RBFOX1: variants seen among roughly 807,000 people sequenced by gnomAD.
The protein encoded by RBFOX1 is RNA binding fox-1 homolog 1.
RBFOX1 carries 8 observed loss-of-function variants against 57.7 expected under a neutral mutation model. The ratio of observed to expected loss-of-function variants is 0.14; its 90% CI spans 0.08 to 0.25. RBFOX1 has a LOEUF of 0.25. Ranked by LOEUF, RBFOX1 falls within the 10% of genes least tolerant of loss-of-function variation. The probability of loss-of-function intolerance (pLI) is 1.00; values close to 1 mark genes in which losing one functional copy is unlikely to be tolerated. For synonymous variants in RBFOX1, 326 were observed against 222.4 expected, an observed-to-expected ratio of 1.47 and a Z score of -4.15; for missense variants, 611 against 548.5, an observed-to-expected ratio of 1.11 and a Z score of -1.14.
chr16:7,101,240 G>A (rs554002732), intron 4 of RBFOX1, among the ~76,000 whole-genome samples: 2 of 152,268 alleles, frequency 1.3e-5, no homozygotes, highest in South Asian at 4.2e-4. Flanking sequence ...GCACCAGCGT[G>A]GCATAGAGAG....
chr16:7,023,383 C>G (rs2039881890), intron 3 of RBFOX1, among the ~76,000 whole-genome samples: 1 of 150,956 alleles, frequency 6.6e-6, no homozygotes, highest in Admixed American at 6.6e-5. Context: ...TTGCTTGAAC[C>G]CAGGAGGCAG....
chr16:6,985,053 G>T (rs985963292), intron 3 of RBFOX1, among the ~76,000 whole-genome samples: 4 of 138,482 alleles, frequency 2.9e-5, no homozygotes, highest in African/African-American at 1.1e-4. Flanking sequence ...CAATGAGTTA[G>T]TTCCTCTGGA....
At chr16:7,217,129 C>T (rs974975945) in intron 4 of RBFOX1, among the ~76,000 whole-genome samples, 2 of 148,224 alleles carry the variant, frequency 1.3e-5, no homozygotes, top group African/African-American at 2.5e-5. Context: ...TTCTTTTTGA[C>T]AGTCTTGCTC....
At chr16:6,024,713 T>C (rs1211892356) in intron 1 of RBFOX1, among the ~76,000 whole-genome samples, 4 of 152,112 alleles carry the variant, frequency 2.6e-5, no homozygotes, top group African/African-American at 9.7e-5. Flanking sequence ...ACGCCTGACC[T>C]CAAGTGATCC....
intron 2 of RBFOX1, 83 bp downstream of exon 2, chr16:6,317,140 C>A: frequency 1.5e-6 from 2 of 1,333,788 alleles, no homozygotes; most frequent in Middle Eastern, 1.8e-4. Context: ...CTCTTTTCTG[C>A]AGGTTTGAAG....
intron 4 of RBFOX1, among the ~76,000 whole-genome samples, chr16:7,244,109 C>G (rs2094187076): frequency 6.6e-6 from 1 of 152,020 alleles, no homozygotes; most frequent in South Asian, 2.1e-4. Flanking sequence ...TTAGGTCAGT[C>G]TACAGCTCAA....
intron 4 of RBFOX1, among the ~76,000 whole-genome samples, chr16:7,405,677 T>G (rs12597457): frequency 6.6e-6 from 1 of 152,040 alleles, no homozygotes; most frequent in Non-Finnish European, 1.5e-5. Flanking sequence ...AGGCTGCAAC[T>G]CAGGTCCCAG....
At chr16:7,280,033 G>T (rs1235498230) in intron 4 of RBFOX1, among the ~76,000 whole-genome samples, 2 of 152,220 alleles carry the variant, frequency 1.3e-5, no homozygotes, top group African/African-American at 4.8e-5. Context: ...CTCTGAAGGT[G>T]TTTGGTTCCC....
intron 4 of RBFOX1, among the ~76,000 whole-genome samples, chr16:7,380,645 C>T (rs759775602): frequency 2.6e-5 from 4 of 152,214 alleles, no homozygotes; most frequent in Admixed American, 2.0e-4. Context: ...CAGCTCACAC[C>T]GCTGATCATC....
intron 14 of RBFOX1, among the ~76,000 whole-genome samples, chr16:7,686,047 A>G (rs2075993149): frequency 6.6e-6 from 1 of 152,008 alleles, no homozygotes; most frequent in African/African-American, 2.4e-5. Context: ...ATGGATGACC[A>G]TTGCTTCTTT....
At chr16:5,567,342 C>T (rs1241309713) in intron 2 of RBFOX1, among the ~76,000 whole-genome samples, 2 of 152,186 alleles carry the variant, frequency 1.3e-5, no homozygotes. Flanking sequence ...ATATTAGTTA[C>T]TAGCTAACGT....
At chr16:5,876,141 C>G (rs1364805690) in intron 4 of RBFOX1, among the ~76,000 whole-genome samples, 1 of 152,094 alleles carries the variant, frequency 6.6e-6, no homozygotes, top group African/African-American at 2.4e-5. Flanking sequence ...CCGCGCCCGG[C>G]CTATCCCACA....
At chr16:6,288,384 G>C (rs1472226029) in intron 1 of RBFOX1, among the ~76,000 whole-genome samples, 1 of 152,176 alleles carries the variant, frequency 6.6e-6, no homozygotes, top group African/African-American at 2.4e-5. Flanking sequence ...TAGAGCCTGA[G>C]ATTCTGCTTT....
At chr16:6,239,260 A>G (rs2097526909) in intron 1 of RBFOX1, among the ~76,000 whole-genome samples, 1 of 151,984 alleles carries the variant, frequency 6.6e-6, no homozygotes, top group African/African-American at 2.4e-5. Flanking sequence ...CTTATCTTTA[A>G]TCTCCCCTCG....
intron 3 of RBFOX1, among the ~76,000 whole-genome samples, chr16:6,817,019 A>G (rs2090230268): frequency 6.6e-6 from 1 of 152,092 alleles, no homozygotes; most frequent in Non-Finnish European, 1.5e-5. Flanking sequence ...AAGTGCTGAG[A>G]TGGCAGGTGC....
At chr16:6,634,372 G>C (rs984243228) in intron 2 of RBFOX1, among the ~76,000 whole-genome samples, 1 of 151,844 alleles carries the variant, frequency 6.6e-6, no homozygotes, top group African/African-American at 2.4e-5. Flanking sequence ...CTGTGACCTT[G>C]GGCAAAAAAC....
chr16:7,107,703 G>C (rs2063859747), intron 4 of RBFOX1, among the ~76,000 whole-genome samples: 1 of 152,044 alleles, frequency 6.6e-6, no homozygotes, highest in Non-Finnish European at 1.5e-5. Context: ...GCCTTTTCTA[G>C]AATTTTATAT....
At chr16:5,979,228 C>T (rs865808654) in intron 4 of RBFOX1, among the ~76,000 whole-genome samples, 14 of 152,154 alleles carry the variant, frequency 9.2e-5, no homozygotes, top group East Asian at 1.9e-4. Flanking sequence ...AACCCCAGCA[C>T]GTTTCTGGAA....
intron 1 of RBFOX1, among the ~76,000 whole-genome samples, chr16:6,095,519 A>G (rs1198473380): frequency 1.3e-5 from 2 of 152,138 alleles, no homozygotes; most frequent in Non-Finnish European, 2.9e-5. Flanking sequence ...AGCCAAGGGA[A>G]AGGTAGGCAG....
Sources: gnomAD v4.1 joint callset for allele counts (sites outside exome capture counted in the v4.1 genomes callset) on GRCh38, gnomAD v4.1.1 for gene constraint, MANE v1.5 for transcripts, NCBI Gene and HGNC (gene_info 2026-07-23, HGNC 2026-07-21) for gene names.